Variants in COX10 observed in about 807,000 individuals in gnomAD.
COX10 encodes the protein cytochrome c oxidase assembly factor heme A:farnesyltransferase COX10, also known as protoheme IX farnesyltransferase, mitochondrial.
A neutral mutation model predicts 37.3 loss-of-function variants in COX10; 27 were observed. The ratio of observed to expected loss-of-function variants is 0.72; its 90% confidence interval spans 0.53 to 1.00. The LOEUF (loss-of-function observed/expected upper bound fraction) is 1.00. Ranked by LOEUF, COX10 falls within the 50% of genes least tolerant of loss-of-function variation. The pLI, the probability that COX10 is intolerant of heterozygous loss-of-function variation, is 0.00. For synonymous variants in COX10, 222 were observed against 229.1 expected, an observed-to-expected ratio of 0.97 and a Z score of 0.28; for missense variants, 475 against 563.2, an observed-to-expected ratio of 0.84 and a Z score of 1.59.
intron 4 of COX10, among the ~76,000 whole-genome samples, chr17:14,139,901 C>T (rs1487390713): frequency 6.6e-6 from 1 of 152,096 alleles, no homozygotes; most frequent in Non-Finnish European, 1.5e-5. Flanking sequence ...TGCAGCTATC[C>T]ATAAACAAAG....
intron 4 of COX10, among the ~76,000 whole-genome samples, chr17:14,140,917 A>G (rs772300499): frequency 6.6e-6 from 1 of 152,162 alleles, no homozygotes; most frequent in South Asian, 2.1e-4. Flanking sequence ...TAAATGATTA[A>G]GGAAATGATG....
chr17:14,151,676 C>A (rs942186671), intron 4 of COX10, among the ~76,000 whole-genome samples: 1 of 152,100 alleles, frequency 6.6e-6, no homozygotes, highest in Non-Finnish European at 1.5e-5. Context: ...AATCCTCTTT[C>A]ATCCCATGAA....
chr17:14,197,130 A>T (rs1906390849), intron 6 of COX10, among the ~76,000 whole-genome samples: 3 of 152,198 alleles, frequency 2.0e-5, no homozygotes, highest in African/African-American at 7.2e-5. Context: ...AGCCTCATAT[A>T]TTGAAGGCCC....
chr17:14,135,286 G>A (rs1436702180), intron 4 of COX10, among the ~76,000 whole-genome samples: 4 of 151,532 alleles, frequency 2.6e-5, no homozygotes, highest in African/African-American at 7.3e-5. Context: ...AATAATTTTG[G>A]TAACCAATAT....
chr17:14,162,156 T>C (rs1329687654), intron 5 of COX10, among the ~76,000 whole-genome samples: 4 of 152,224 alleles, frequency 2.6e-5, no homozygotes, highest in African/African-American at 7.2e-5. Context: ...AGCAGAAAAT[T>C]GCTTAATTGC....
intron 4 of COX10, among the ~76,000 whole-genome samples, chr17:14,157,603 A>T (rs534235381): frequency 4.6e-5 from 7 of 152,314 alleles, no homozygotes; most frequent in African/African-American, 1.7e-4. Context: ...AAAAACTGCA[A>T]CTGCCACAGT....
At chr17:14,093,386 C>T (rs1915570845) in intron 3 of COX10, among the ~76,000 whole-genome samples, 1 of 152,010 alleles carries the variant, frequency 6.6e-6, no homozygotes, top group Admixed American at 6.6e-5. Flanking sequence ...AAATTGAGTA[C>T]AGTCATTATG....
intron 2 of COX10, 108 bp downstream of exon 2, chr17:14,074,564 A>C: frequency 9.1e-7 from 1 of 1,104,130 alleles, no homozygotes; most frequent in Non-Finnish European, 1.4e-6. Flanking sequence ...CTGTTTGAAA[A>C]GAACTTTTAT....
intron 6 of COX10, among the ~76,000 whole-genome samples, chr17:14,205,577 C>A (rs143159813): frequency 1.4e-3 from 209 of 152,132 alleles, no homozygotes; most frequent in African/African-American, 4.8e-3. Context: ...TAGTAGGCGC[C>A]CGGGGAGCAT....
chr17:14,117,914 T>A (rs2142210661), intron 4 of COX10, among the ~76,000 whole-genome samples: 1 of 152,192 alleles, frequency 6.6e-6, no homozygotes, highest in South Asian at 2.1e-4. Context: ...GAGGTAGCTG[T>A]CAGTGAGATG....
At chr17:14,155,402 C>G (rs1399353217) in intron 4 of COX10, among the ~76,000 whole-genome samples, 2 of 150,764 alleles carry the variant, frequency 1.3e-5, no homozygotes, top group Non-Finnish European at 2.9e-5. Flanking sequence ...GGGCTGCACA[C>G]GTAGTGGTTT....
At chr17:14,187,102 T>C (rs141570634) in intron 5 of COX10, among the ~76,000 whole-genome samples, 3,528 of 152,108 alleles carry the variant, frequency 0.023, 119 homozygotes, top group African/African-American at 0.071. Flanking sequence ...TTCTAGAAGA[T>C]GGTGCTCTCA....
At chr17:14,135,984 A>G (rs1904349523) in intron 4 of COX10, among the ~76,000 whole-genome samples, 1 of 152,012 alleles carries the variant, frequency 6.6e-6, no homozygotes, top group African/African-American at 2.4e-5. Context: ...AAATAATGAC[A>G]AAAGAAATTA....
chr17:14,086,535 GTCT>G (rs1325055046), intron 3 of COX10, among the ~76,000 whole-genome samples: 1 of 152,076 alleles, frequency 6.6e-6, no homozygotes, highest in African/African-American at 2.4e-5. Context: ...ATTTATACAA[GTCT>G]TCTTTTACGC....
intron 4 of COX10, among the ~76,000 whole-genome samples, chr17:14,105,850 T>G (rs1915880075): frequency 1.3e-5 from 2 of 152,102 alleles, no homozygotes; most frequent in South Asian, 4.1e-4. Context: ...TATAGACTTC[T>G]TCACATACAC....
intron 4 of COX10, among the ~76,000 whole-genome samples, chr17:14,129,986 A>G (rs917648565): frequency 3.8e-4 from 58 of 152,222 alleles, no homozygotes; most frequent in African/African-American, 9.6e-4. Flanking sequence ...GGATATACCT[A>G]TGAGCCCTGT....
chr17:14,149,001 A>T (rs1904812146), intron 4 of COX10, among the ~76,000 whole-genome samples: 1 of 148,298 alleles, frequency 6.7e-6, no homozygotes, highest in Non-Finnish European at 1.5e-5. Context: ...GTTAGTCTAT[A>T]ACATATATAA....
chr17:14,081,410 G>A (rs1217900030), intron 3 of COX10, among the ~76,000 whole-genome samples: 1 of 152,188 alleles, frequency 6.6e-6, no homozygotes, highest in Admixed American at 6.6e-5. Context: ...AGATGAAGTG[G>A]ATTGCTAAGG....
intron 5 of COX10, among the ~76,000 whole-genome samples, chr17:14,188,217 A>AAC (rs57817978): frequency 6.7e-6 from 1 of 149,248 alleles, no homozygotes; most frequent in Non-Finnish European, 1.5e-5. Flanking sequence ...CATAGGGAAA[A>AAC]AAAAAAATCT....
Sources: gnomAD v4.1 joint callset for allele counts (sites outside exome capture counted in the v4.1 genomes callset) on GRCh38, gnomAD v4.1.1 for gene constraint, MANE v1.5 for transcripts, NCBI Gene and HGNC (gene_info 2026-07-23, HGNC 2026-07-21) for gene names.